Variants in CEP76 observed in about 807,000 individuals in gnomAD.
CEP76 encodes centrosomal protein of 76 kDa.
Under a neutral mutation model 83.3 loss-of-function variants are expected in CEP76, and 55 were observed. The observed-to-expected ratio is 0.66, with a 90% confidence interval of 0.53 to 0.83. The LOEUF is 0.83. Ranked by LOEUF, CEP76 falls within the 40% of genes least tolerant of loss-of-function variation. CEP76 has a pLI of 0.00. For synonymous variants in CEP76, 270 were observed against 274.5 expected (o/e 0.98, Z 0.16); for missense variants, 694 against 799.5 (o/e 0.87, Z 1.59).
chr18:12,677,655 C>G (rs539130011), intron 10 of CEP76, among the ~76,000 whole-genome samples: 1 of 151,930 alleles, frequency 6.6e-6, no homozygotes, highest in Non-Finnish European at 1.5e-5. Flanking sequence ...GATGATGTTT[C>G]ACCATATTCC....
At chr18:12,693,447 AC>A (rs1391785468) in intron 6 of CEP76, among the ~76,000 whole-genome samples, 1 of 152,074 alleles carries the variant, frequency 6.6e-6, no homozygotes, top group Non-Finnish European at 1.5e-5. Flanking sequence ...ATTAAAAAAA[AC>A]AAGCTACTAC....
At chr18:12,687,650 C>T (rs1269908609) in intron 7 of CEP76, among the ~76,000 whole-genome samples, 1 of 151,484 alleles carries the variant, frequency 6.6e-6, no homozygotes, top group Non-Finnish European at 1.5e-5. Context: ...TGGGGTTTCA[C>T]GATGTTGACC....
downstream of CEP76, among the ~76,000 whole-genome samples, chr18:12,672,367 C>T (rs1337141806): frequency 6.6e-6 from 1 of 152,160 alleles, no homozygotes; most frequent in South Asian, 2.1e-4. Flanking sequence ...CCACCCACCT[C>T]GGCCTCCCAA....
chr18:12,678,140 T>G lies in CEP76; in HGVS notation c.1592A>C (p.Gln531Pro). The G allele has an allele frequency of 6.2e-7, 1 of 1,613,508 alleles. No homozygotes were observed. The highest frequency in any genetic ancestry group is 8.5e-7 in the Non-Finnish European group (1 of 1,179,394). ...ASVTSNEIEM[Q>P]LRLLVSEHRK... ...GTGTTCTGACACCAGGAGCCTCAGC[T>G]GCATTTCAATTTCATTACTTGTTAC... Residue 531 changes from glutamine (Q) to proline (P), a missense_variant, in exon 10 of 12, where the codon CAG (glutamine) becomes CCG (proline). Physicochemically the swap from Gln to Pro is moderately conservative, Grantham distance 76. Transcript: ENST00000262127.
intron 7 of CEP76, chr18:12,686,694 C>A: frequency 3.0e-6 from 1 of 334,562 alleles, no homozygotes; most frequent in Non-Finnish European, 5.6e-6. Flanking sequence ...CAGGTTCAAG[C>A]TCTGAGCTGT....
At chr18:12,702,055 G>A (rs1394545372) in intron 1 of CEP76, among the ~76,000 whole-genome samples, 2 of 152,226 alleles carry the variant, frequency 1.3e-5, no homozygotes, top group Admixed American at 6.5e-5. Flanking sequence ...AAACCTGGGA[G>A]GCGGAGGTTG....
At chr18:12,693,979 G>A (rs1598654515) in intron 6 of CEP76, among the ~76,000 whole-genome samples, 1 of 152,192 alleles carries the variant, frequency 6.6e-6, no homozygotes, top group East Asian at 1.9e-4. Context: ...CTACAAGTAT[G>A]TACCACCATG....
chr18:12,674,190 A>G (rs1388675039), intron 11 of CEP76, among the ~76,000 whole-genome samples: 1 of 151,774 alleles, frequency 6.6e-6, no homozygotes, highest in Non-Finnish European at 1.5e-5. Context: ...TAATCCCAGC[A>G]ATTTGGGAGG....
At position 12,672,634 on chromosome 18, in the gene CEP76, G is replaced by A. The variant is rs1475523708; in HGVS notation, c.*731C>T. On this transcript the variant is annotated 3_prime_UTR_variant, in exon 12 of 12. Coordinates refer to ENST00000262127, the MANE Select transcript of CEP76 (RefSeq NM_024899.4). ...CTCTGACCACAGAAAATCAGTGATCGACTGCAAGATCACAATTTATCAGTA... is the reference window on the plus strand; with the variant it reads ...CTCTGACCACAGAAAATCAGTGATCAACTGCAAGATCACAATTTATCAGTA... 9 of 980,858 alleles carry A rather than the reference G, an allele frequency of 9.2e-6. No individual in the cohort carries two copies. In the East Asian group the frequency reaches 7.9e-4, roughly 86 times the overall value. The allele number at this position is 980,858 out of a possible 1,614,324, so 60.8% of individuals were successfully genotyped here.
Position 12,673,414 on chromosome 18 carries a change from G to A in CEP76, c.1931C>T (p.Ala644Val), listed in dbSNP as rs1276301468. The A allele has an allele frequency of 1.9e-6, 3 of 1,606,736 alleles. No homozygotes were observed. Among genetic ancestry groups the A allele is most frequent in the Admixed American group, 3.4e-5 (2 of 58,276 alleles). Residue 644 changes from alanine to valine, a missense_variant, in exon 12 of 12, where the codon GCA (alanine) becomes GTA (valine). By Grantham distance (64) the Ala-to-Val change is moderately conservative. Coordinates refer to ENST00000262127, the MANE Select transcript of CEP76 (RefSeq NM_024899.4). ...AGCAAACATGATCCAAACAGCACATGCAGATTCAGGGTAAGTAAATACTCG... is the reference window on the plus strand; with the variant it reads ...AGCAAACATGATCCAAACAGCACATACAGATTCAGGGTAAGTAAATACTCG... The part of the protein sequence containing the change: ...RVRVFTYPES[A>V]CAVWIMFACK...
intron 12 of CEP76, among the ~76,000 whole-genome samples, chr18:12,666,257 G>C (rs2038800974): frequency 6.6e-6 from 1 of 151,992 alleles, no homozygotes; most frequent in South Asian, 2.1e-4. Context: ...GAGCCCAGGA[G>C]TTCTAGGTTA....
chr18:12,702,392 G>A, intron 1 of CEP76, 94 bp downstream of exon 1: 1 of 937,498 alleles, frequency 1.1e-6, no homozygotes, highest in Non-Finnish European at 1.7e-6. Flanking sequence ...TACAGTCCCG[G>A]CAAGCAGATG....
intron 9 of CEP76, among the ~76,000 whole-genome samples, chr18:12,680,075 GA>G (rs1008850564): frequency 6.8e-6 from 1 of 147,294 alleles, no homozygotes; most frequent in Non-Finnish European, 1.5e-5. Flanking sequence ...AGAGAAAACT[GA>G]AAAAAAAATA....
intron 10 of CEP76, among the ~76,000 whole-genome samples, chr18:12,677,458 C>CAAAAAAAA (rs71174127): frequency 1.9e-5 from 1 of 53,948 alleles, no homozygotes; most frequent in Non-Finnish European, 3.0e-5. Context: ...GATTCCATCT[C>CAAAAAAAA]AAAAAAAAAA....
Position 12,683,756 on chromosome 18 carries a change from A to T in CEP76, c.1122+2506T>A, listed in dbSNP as rs550092500. Among the ~76,000 whole-genome samples the T allele has an allele frequency of 3.2e-4, 47 of 148,422 alleles. 1 individual carries two copies. The highest frequency in any genetic ancestry group is 1.7e-3 in the Admixed American group (25 of 14,728). Reference sequence around the variant, plus strand: ...ACAAGAGGAAAACTCTGTCTCATTTAAAAAAAAAAGGAAATCAGAAAGACT... The same window carrying T: ...ACAAGAGGAAAACTCTGTCTCATTTTAAAAAAAAAGGAAATCAGAAAGACT... On this transcript the variant is annotated intron_variant, in intron 8 of 11. Coordinates refer to ENST00000262127, the MANE Select transcript of CEP76 (RefSeq NM_024899.4).
rs936654369 is a variant in CEP76 at position 12,664,522 on chromosome 18, C to T, written c.*1728-2353G>A. On this transcript the variant is annotated intron_variant and NMD_transcript_variant, in intron 12 of 12. Coordinates refer to the CEP76 transcript ENST00000590143. ...CCAAGATCACGCCATTGCACTCCAGCCTGGGTGACAGAGCGAGACTCCGTC... is the reference window on the plus strand; with the variant it reads ...CCAAGATCACGCCATTGCACTCCAGTCTGGGTGACAGAGCGAGACTCCGTC... 3.3e-5 allele frequency among the ~76,000 whole-genome samples: 5 copies of T among 151,992 alleles called. No individual in the cohort carries two copies. In the East Asian group the frequency reaches 9.8e-4, roughly 30 times the overall value.
chr18:12,701,635 T>C (rs2040152867), intron 1 of CEP76, among the ~76,000 whole-genome samples: 1 of 152,158 alleles, frequency 6.6e-6, no homozygotes, highest in African/African-American at 2.4e-5. Context: ...GCACCATAAA[T>C]GGTCGCTTTT....
In CEP76 at chr18:12,702,555, A is replaced by C. The variant is rs1400148040; in HGVS notation, c.-7T>G. ...TCTCCGGAGGCAGCGACATGCTGGC[A>C]GCCGGCGTCTCCCCGCCGCTTCTCC... On this transcript the variant is annotated 5_prime_UTR_variant, in exon 1 of 12. Transcript: ENST00000262127. 1 of 1,579,082 alleles carries C rather than the reference A, an allele frequency of 6.3e-7. No individual in the cohort carries two copies.
At chr18:12,689,719 G>A (rs1161084017) in intron 7 of CEP76, among the ~76,000 whole-genome samples, 4 of 151,946 alleles carry the variant, frequency 2.6e-5, no homozygotes, top group African/African-American at 9.7e-5. Context: ...ATTCCACGTG[G>A]CAATGAATAA....
Sources: gnomAD v4.1 joint callset for allele counts (sites outside exome capture counted in the v4.1 genomes callset) on GRCh38, gnomAD v4.1.1 for gene constraint, MANE v1.5 for transcripts, NCBI Gene and HGNC (gene_info 2026-07-23, HGNC 2026-07-21) for gene names.